The following CNTNAP2 variants were observed in gnomAD, a reference collection of about 807,000 sequenced individuals.
The protein encoded by CNTNAP2 is contactin associated protein 2, also known as contactin-associated protein-like 2.
CNTNAP2 carries 98 observed loss-of-function variants against 155.2 expected under a neutral mutation model. The observed-to-expected ratio is 0.63, with a 90% CI of 0.54 to 0.75. CNTNAP2 has a LOEUF of 0.75. CNTNAP2 is among the 30% of genes least tolerant of loss of function. The pLI is 0.00. For missense variants in CNTNAP2, 1,727 were observed against 1,688.1 expected, an observed-to-expected ratio of 1.02 and a Z score of -0.40; for synonymous variants, 651 against 631.2, an observed-to-expected ratio of 1.03 and a Z score of -0.47.
At chr7:147,886,379 G>A (rs1056463833) in intron 13 of CNTNAP2, among the ~76,000 whole-genome samples, 1 of 148,322 alleles carries the variant, frequency 6.7e-6, no homozygotes, top group African/African-American at 2.5e-5. Context: ...GGAGGCTGAG[G>A]CAGGAGAATC....
At chr7:146,654,942 G>A (rs925448031) in intron 1 of CNTNAP2, among the ~76,000 whole-genome samples, 4 of 151,972 alleles carry the variant, frequency 2.6e-5, no homozygotes, top group Admixed American at 2.6e-4. Context: ...TAAATACTCT[G>A]CTATAATCTC....
chr7:148,243,760 G>A (rs1276450306), intron 20 of CNTNAP2, among the ~76,000 whole-genome samples: 2 of 148,660 alleles, frequency 1.3e-5, no homozygotes, highest in Admixed American at 6.7e-5. Flanking sequence ...CATATCAATG[G>A]ATAAAAGGAA....
chr7:147,533,612 AT>A (rs1302196871), intron 11 of CNTNAP2, among the ~76,000 whole-genome samples: 2 of 151,724 alleles, frequency 1.3e-5, no homozygotes, highest in Non-Finnish European at 2.9e-5. Flanking sequence ...AAAAAAAAAA[AT>A]ACTTACTTGG....
chr7:147,734,910 C>T (rs1796813862), intron 13 of CNTNAP2, among the ~76,000 whole-genome samples: 2 of 151,590 alleles, frequency 1.3e-5, no homozygotes, highest in African/African-American at 4.8e-5. Context: ...TCTCTCTTTT[C>T]TTCTTTATTA....
intron 1 of CNTNAP2, among the ~76,000 whole-genome samples, chr7:146,709,287 T>C (rs2533096): frequency 0.24 from 36,769 of 152,102 alleles, 10,525 homozygotes; most frequent in African/African-American, 0.69. Context: ...TTTATGAACT[T>C]TTCTCTTCAC....
chr7:147,986,903 T>A (rs1049438832), intron 15 of CNTNAP2, among the ~76,000 whole-genome samples: 3 of 148,346 alleles, frequency 2.0e-5, no homozygotes, highest in African/African-American at 7.5e-5. Context: ...GTGTGTGTGG[T>A]TGGTTTTTTT....
intron 15 of CNTNAP2, among the ~76,000 whole-genome samples, chr7:148,052,325 C>A (rs1486476281): frequency 2.2e-5 from 3 of 136,484 alleles, no homozygotes; most frequent in South Asian, 2.3e-4. Flanking sequence ...CTTTTAAAAA[C>A]TAGCAACAAA....
chr7:146,882,159 T>G lies in CNTNAP2; in HGVS notation c.402+42255T>G, dbSNP rs771890734. Among the ~76,000 whole-genome samples, 49 of 152,136 alleles carry G rather than the reference T, an allele frequency of 3.2e-4. 1 individual carries two copies. The highest frequency in any genetic ancestry group is 1.5e-3 in the Admixed American group (23 of 15,238). ...GGACACGGTTTCTTTCTTATGGCTA[T>G]ATAGTATTTTAGTGGTGTATATAAA... is the stretch of plus-strand genomic sequence containing the variant. On this transcript the variant is annotated intron_variant, in intron 3 of 23. Coordinates refer to ENST00000361727, the MANE Select transcript of CNTNAP2 (RefSeq NM_014141.6).
At position 148,298,608 on chromosome 7, in the gene CNTNAP2, A is replaced by G. The variant is rs535552611; in HGVS notation, c.3475+31482A>G. Among the ~76,000 whole-genome samples, 413 of 152,298 alleles carry G rather than the reference A, an allele frequency of 2.7e-3. 2 individuals carry two copies. The highest frequency in any genetic ancestry group is 9.4e-3 in the African/African-American group (391 of 41,548). On this transcript the variant is annotated intron_variant, in intron 21 of 23. Coordinates refer to ENST00000361727, the MANE Select transcript of CNTNAP2 (RefSeq NM_014141.6). Reference sequence around the variant, plus strand: ...CCTCACAGACACACCCAGGAACAATACTTTACATCCAACCAAGTTCCAAGG... The same window carrying G: ...CCTCACAGACACACCCAGGAACAATGCTTTACATCCAACCAAGTTCCAAGG...
At chr7:147,115,068 A>G (rs1800958094) in intron 5 of CNTNAP2, among the ~76,000 whole-genome samples, 1 of 152,158 alleles carries the variant, frequency 6.6e-6, no homozygotes, top group East Asian at 1.9e-4. Flanking sequence ...TTCACTTATG[A>G]AGCTTAGTTT....
At chr7:147,093,805 C>G (rs545180531) in intron 4 of CNTNAP2, among the ~76,000 whole-genome samples, 15 of 152,136 alleles carry the variant, frequency 9.9e-5, no homozygotes, top group Non-Finnish European at 2.2e-4. Context: ...GCAAACTGCT[C>G]TCCTGCTGTG....
chr7:146,598,973 C>G (rs537678789), intron 1 of CNTNAP2, among the ~76,000 whole-genome samples: 3 of 152,166 alleles, frequency 2.0e-5, no homozygotes, highest in Admixed American at 2.0e-4. Context: ...TCCAGTTCCC[C>G]ATCTCATTAA....
At chr7:148,300,849 T>TGCCA (rs1797374502) in intron 21 of CNTNAP2, among the ~76,000 whole-genome samples, 1 of 152,068 alleles carries the variant, frequency 6.6e-6, no homozygotes, top group African/African-American at 2.4e-5. Context: ...AGATGGTGAC[T>TGCCA]GCCAGGGGCT....
At chr7:147,237,999 G>T (rs1803850281) in intron 8 of CNTNAP2, among the ~76,000 whole-genome samples, 1 of 152,156 alleles carries the variant, frequency 6.6e-6, no homozygotes, top group Non-Finnish European at 1.5e-5. Context: ...TTTCAATTTT[G>T]AATTTCAAAT....
At chr7:146,992,582 C>T (rs753588171) in intron 3 of CNTNAP2, among the ~76,000 whole-genome samples, 120 of 152,210 alleles carry the variant, frequency 7.9e-4, no homozygotes, top group Non-Finnish European at 1.3e-3. Context: ...GCTCCTGCCC[C>T]CTGCAAATGG....
intron 15 of CNTNAP2, among the ~76,000 whole-genome samples, chr7:147,993,189 G>A (rs1044291317): frequency 1.8e-4 from 28 of 151,992 alleles, no homozygotes; most frequent in Admixed American, 8.5e-4. Context: ...TGACTGCCTC[G>A]GTTTTCTCCA....
intron 17 of CNTNAP2, among the ~76,000 whole-genome samples, chr7:148,166,015 C>A (rs1258093019): frequency 6.6e-6 from 1 of 152,036 alleles, no homozygotes; most frequent in Non-Finnish European, 1.5e-5. Flanking sequence ...GAAGCCCTCT[C>A]TCCATGGACG....
At chr7:146,119,948 T>C (rs1299486482) in intron 1 of CNTNAP2, among the ~76,000 whole-genome samples, 1 of 151,844 alleles carries the variant, frequency 6.6e-6, no homozygotes, top group African/African-American at 2.4e-5. Flanking sequence ...ATAAAGTACA[T>C]AGATACATAT....
At chr7:146,502,503 C>T (rs969712493) in intron 1 of CNTNAP2, among the ~76,000 whole-genome samples, 1 of 151,972 alleles carries the variant, frequency 6.6e-6, no homozygotes, top group African/African-American at 2.4e-5. Flanking sequence ...ACCTCCCCAT[C>T]AGCAGTGTTC....
Sources: allele counts gnomAD v4.1 joint callset (sites outside exome capture counted in the v4.1 genomes callset), GRCh38; gene constraint gnomAD v4.1.1; transcripts MANE v1.5; gene names NCBI Gene and HGNC (gene_info 2026-07-23, HGNC 2026-07-21).